The following REEP4 variants were observed in gnomAD, a reference collection of about 807,000 sequenced individuals.
The protein encoded by REEP4 is receptor accessory protein 4.
In REEP4, 17 loss-of-function variants were observed where a neutral mutation model predicts 33.5. The observed-to-expected ratio is 0.51, with a 90% CI of 0.35 to 0.76. The LOEUF (loss-of-function observed/expected upper bound fraction) is 0.76. REEP4 is among the 30% of genes least tolerant of loss of function. The pLI, the probability that REEP4 is intolerant of heterozygous loss-of-function variation, is 0.01. For missense variants in REEP4, 340 were observed against 357.9 expected (o/e 0.95, Z 0.40); for synonymous variants, 157 against 142.9 (o/e 1.10, Z -0.70).
At position 22,138,493 on chromosome 8, in the gene REEP4, G is replaced by A. The variant is rs1399072121; in HGVS notation, c.768C>T (p.Asp256=). 2 of 1,613,634 alleles carry A rather than the reference G, an allele frequency of 1.2e-6. No individual in the cohort carries two copies. Among genetic ancestry groups the A allele is most frequent in the Admixed American group, 3.3e-5 (2 of 60,030 alleles). Residue 256 remains aspartate (D), a synonymous_variant, in exon 8 of 8, where the codon GAC becomes GAT. Transcript: ENST00000306306. ...TRKKTVPSDV[D]S is the part of the protein sequence containing the mutation. ...GGGGCAGATGCAGCAGACCCTAGCT[G>A]TCCACGTCTGAGGGCACAGTCTTTT... is the stretch of plus-strand genomic sequence containing the variant.
rs182851174 is a variant in REEP4 at position 22,139,661 on chromosome 8, C to T, written c.304-132G>A. 601 of 772,000 alleles carry T rather than the reference C, an allele frequency of 7.8e-4. 3 individuals carry two copies. The highest frequency in any genetic ancestry group is 5.5e-3 in the Middle Eastern group (20 of 3,620). The allele number at this position is 772,000 out of a possible 1,614,324, so 47.8% of individuals were successfully genotyped here. ...CCACCTGGTGCCCAGAGCCACAAAT[C>T]CGGGCCACAAACACAGACCAAGAGC... is the stretch of plus-strand genomic sequence containing the variant. On this transcript the variant is annotated intron_variant, in intron 4 of 7. Transcript: ENST00000306306.
chr8:22,141,231 C>T (rs1022299962), intron 1 of REEP4, among the ~76,000 whole-genome samples: 2 of 152,234 alleles, frequency 1.3e-5, no homozygotes, highest in African/African-American at 2.4e-5. Context: ...GTGTGTGTGG[C>T]GTGCGGCAGG....
At chr8:22,139,878 G>A (rs1431136371) in intron 4 of REEP4, 85 bp downstream of exon 4, 2 of 1,501,394 alleles carry the variant, frequency 1.3e-6, no homozygotes, top group Non-Finnish European at 1.8e-6. Context: ...GAACCCCGGT[G>A]TCCCCAGCAT....
Position 22,141,591 on chromosome 8 carries a change from C to T in REEP4, c.-109G>A. 1 of 1,174,364 alleles carries T rather than the reference C, an allele frequency of 8.5e-7. No individual in the cohort carries two copies. The highest frequency in any genetic ancestry group is 1.2e-6 in the Non-Finnish European group (1 of 842,920). 72.7% of individuals were successfully genotyped at this position (1,174,364 alleles called of 1,614,324 possible). ...AGGGCAGTTGCGGGAAGCAGAGGGGCGATCCGGCTGTCCCTCGGCGGAGGC... is the reference window on the plus strand; with the variant it reads ...AGGGCAGTTGCGGGAAGCAGAGGGGTGATCCGGCTGTCCCTCGGCGGAGGC... On this transcript the variant is annotated 5_prime_UTR_variant, in exon 1 of 8. Transcript: ENST00000306306.
intron 1 of REEP4, 79 bp downstream of exon 1, chr8:22,141,372 C>A: frequency 6.6e-7 from 1 of 1,524,240 alleles, no homozygotes; most frequent in Non-Finnish European, 9.0e-7. Flanking sequence ...TTCCTCCTCC[C>A]ACTAGACGTC....
chr8:22,141,661 T>A lies in REEP4; in HGVS notation c.-179A>T. ...CTCCGACTGTGCAGTTCAGGGGACC[T>A]GGAGAATGGGGAGACCCGAGGCAAA... On this transcript the variant is annotated 5_prime_UTR_variant, in exon 1 of 8. Transcript: ENST00000306306. 1 of 530,438 alleles carries A rather than the reference T, an allele frequency of 1.9e-6. No individual in the cohort carries two copies. Among genetic ancestry groups the A allele is most frequent in the Non-Finnish European group, 3.2e-6 (1 of 317,130 alleles). The allele number at this position is 530,438 out of a possible 1,614,324, so 32.9% of individuals were successfully genotyped here. A position where few individuals can be genotyped will look rare whatever the true frequency, so the allele number is the denominator to read the frequency against.
In REEP4 at chr8:22,141,734, G is replaced by A. The variant is rs776355452; in HGVS notation, c.-252C>T. On this transcript the variant is annotated 5_prime_UTR_variant, in exon 1 of 8. Transcript: ENST00000306306. Reference sequence around the variant, plus strand: ...CGACTTGGGAGCGGGCGCGCCCCGCGGCCGGGGCAGTTACAGCTCCCACCC... The same window carrying A: ...CGACTTGGGAGCGGGCGCGCCCCGCAGCCGGGGCAGTTACAGCTCCCACCC... 2 of 419,778 alleles carry A rather than the reference G, an allele frequency of 4.8e-6. No homozygotes were observed. Among genetic ancestry groups the A allele is most frequent in the Non-Finnish European group, 8.4e-6 (2 of 237,572 alleles). The allele number at this position is 419,778 out of a possible 1,614,324, so 26.0% of individuals were successfully genotyped here. A position where few individuals can be genotyped will look rare whatever the true frequency, so the allele number is the denominator to read the frequency against.
intron 3 of REEP4, 41 bp downstream of exon 3, chr8:22,140,131 G>A (rs1291343852): frequency 1.9e-6 from 3 of 1,614,122 alleles, no homozygotes; most frequent in Admixed American, 3.3e-5. Flanking sequence ...GGGCTGGGGG[G>A]GCCACCCCTG....
In REEP4 at chr8:22,140,177, G is replaced by T; in HGVS notation, c.177C>A (p.Ile59=). The part of the protein sequence containing the change: ...MAAEIVTDIF[I]SWFPFYYEIK... Reference sequence around the variant, plus strand: ...TGCGGACCCTGCGTCCATACCAGGAGATAAAAATGTCTGTAACGATCTCTG... The same window carrying T: ...TGCGGACCCTGCGTCCATACCAGGATATAAAAATGTCTGTAACGATCTCTG... The change falls in exon 3 of 8, where the codon ATC becomes ATA. Residue 59 remains isoleucine (I), a synonymous_variant. Transcript: ENST00000306306. The T allele has an allele frequency of 6.2e-7, 1 of 1,614,106 alleles. No individual in the cohort carries two copies. Among genetic ancestry groups the T allele is most frequent in the Non-Finnish European group, 8.5e-7 (1 of 1,180,026 alleles).
At position 22,139,523 on chromosome 8, in the gene REEP4, C is replaced by T. The variant is rs1472721304; in HGVS notation, c.310G>A (p.Asp104Asn). Residue 104 changes from aspartate to asparagine, a missense_variant, in exon 5 of 8, where the codon GAC (aspartate) becomes AAC (asparagine). Asp to Asn is a conservative substitution (Grantham distance 23, BLOSUM62 1). Transcript: ENST00000306306. The stretch of plus-strand genomic sequence containing the variant: ...TCCTTGGCCTGCACGATGTACGCGT[C>T]GATCTCCTGTGGACCCAATGGGGAG... ...PSLSRHEKEI[D>N]AYIVQAKERS... is the part of the protein sequence containing the mutation. 1.2e-6 allele frequency: 2 copies of T among 1,608,164 alleles called. No individual in the cohort carries two copies. The highest frequency in any genetic ancestry group is 1.7e-6 in the Non-Finnish European group (2 of 1,179,000).
chr8:22,140,019 C>A lies in REEP4; in HGVS notation c.247G>T (p.Gly83Cys). ...AACTTGCGGTAAAGCAGGCTGGCGC[C>A]CTTGGTGTAGGGTGAGAGCAGCCAC... ...VLWLLSPYTK[G>C]ASLLYRKFVH... The change falls in exon 4 of 8, where the codon GGC (glycine) becomes TGC (cysteine). Residue 83 changes from glycine (G) to cysteine (C), a missense_variant. By Grantham distance (159) the Gly-to-Cys change is radical. Transcript: ENST00000306306. 1 of 1,605,842 alleles carries A rather than the reference C, an allele frequency of 6.2e-7. No homozygotes were observed. Among genetic ancestry groups the A allele is most frequent in the Non-Finnish European group, 8.5e-7 (1 of 1,176,062 alleles).
chr8:22,138,575 A>T (rs1563198505), intron 7 of REEP4, 23 bp from the exon 8 acceptor site: 2 of 1,613,944 alleles, frequency 1.2e-6, no homozygotes, highest in South Asian at 1.1e-5. Flanking sequence ...GAGGCACAGC[A>T]TGAGGGTGTG....
In REEP4 at chr8:22,138,686, G is replaced by A. The variant is rs117450750; in HGVS notation, c.661C>T (p.Arg221Cys). Reference sequence around the variant, plus strand: ...TTGACCACACGCAGGCTCTGGCTGCGGATTAGGGGCTTCTCTCGGGGCCGG... The same window carrying A: ...TTGACCACACGCAGGCTCTGGCTGCAGATTAGGGGCTTCTCTCGGGGCCGG... ...PARPREKPLI[R>C]SQSLRVVKRK... Residue 221 changes from arginine to cysteine, a missense_variant, in exon 7 of 8, where the codon CGC becomes TGC. Physicochemically the swap from Arg to Cys is radical, Grantham distance 180. Coordinates refer to ENST00000306306, the MANE Select transcript of REEP4 (RefSeq NM_025232.4). 5.5e-3 allele frequency: 8,843 copies of A among 1,613,678 alleles called. 47 individuals carry two copies. The highest frequency in any genetic ancestry group is 0.012 in the South Asian group (1,069 of 91,084).
In REEP4 at chr8:22,138,962, G is replaced by T. The variant is rs1213378769; in HGVS notation, c.517C>A (p.Leu173Met). The part of the protein sequence containing the change: ...PAPAYHDPLY[L>M]EDQVSHRRPP... Reference sequence around the variant, plus strand: ...CTCCGGTGGGACACCTGGTCCTCCAGGTAGAGGGGGTCATGGTAGGCAGGG... The same window carrying T: ...CTCCGGTGGGACACCTGGTCCTCCATGTAGAGGGGGTCATGGTAGGCAGGG... The change falls in exon 6 of 8, where the codon CTG (leucine) becomes ATG (methionine). Residue 173 changes from leucine to methionine, a missense_variant. Coordinates refer to ENST00000306306, the MANE Select transcript of REEP4 (RefSeq NM_025232.4). The T allele has an allele frequency of 8.1e-6, 13 of 1,607,776 alleles. No homozygotes were observed. The highest frequency in any genetic ancestry group is 9.3e-6 in the Non-Finnish European group (11 of 1,177,328).
Position 22,141,522 on chromosome 8 carries a change from C to T in REEP4, c.-40G>A. 1 of 1,581,800 alleles carries T rather than the reference C, an allele frequency of 6.3e-7. No individual in the cohort carries two copies. The highest frequency in any genetic ancestry group is 8.6e-7 in the Non-Finnish European group (1 of 1,165,374). On this transcript the variant is annotated 5_prime_UTR_variant, in exon 1 of 8. Transcript: ENST00000306306. ...GGACGTGGGGAGGACCCCAGGAAGC[C>T]GCTCAGAAGGACGTTCACTCAAGGG...
rs759709065 is a variant in REEP4 at position 22,138,809 on chromosome 8, G to C, written c.554-16C>G. 12 of 1,582,224 alleles carry C rather than the reference G, an allele frequency of 7.6e-6. No individual in the cohort carries two copies. The East Asian group carries it at 1.1e-4, about 15-fold the overall frequency. On this transcript the variant is annotated splice_polypyrimidine_tract_variant and intron_variant, in intron 6 of 7. Transcript: ENST00000306306. ...GCCCGGTACCCTGTGTGGAGGAGGA[G>C]GTGAAGCTGAAAGCCTGCGACCAGG...
rs532207754 is a variant in REEP4 at position 22,141,852 on chromosome 8, G to T, written c.-370C>A. 3.0e-3 allele frequency: 808 copies of T among 269,664 alleles called. 3 individuals carry two copies. The highest frequency in any genetic ancestry group is 3.8e-3 in the Non-Finnish European group (538 of 143,020). The allele number at this position is 269,664 out of a possible 1,614,324, so 16.7% of individuals were successfully genotyped here. On this transcript the variant is annotated 5_prime_UTR_variant, in exon 1 of 8. In the 5' UTR this introduces an upstream ATG that the reference lacks. Coordinates refer to ENST00000306306, the MANE Select transcript of REEP4 (RefSeq NM_025232.4). The stretch of plus-strand genomic sequence containing the variant: ...GCGGTTCCAGCGCGCCGGGCCACCA[G>T]CACCGGCCTACAGGGCGGAGTTCGC...
At position 22,138,774 on chromosome 8, in the gene REEP4, CA is replaced by C; in HGVS notation, c.572del (p.Leu191ArgfsTer29). ...ACTCATCCTCGGTGTCGCTGTCCTGCAGGCCCCCGGCCCGGTACCCTGTGTG... is the reference window on the plus strand; with the variant it reads ...ACTCATCCTCGGTGTCGCTGTCCTGCGGCCCCCGGCCCGGTACCCTGTGTG... The part of the protein sequence containing the change: ...RPPIGYRAGG[L>X]QDSDTEDECW... On this transcript the variant is annotated frameshift_variant, in exon 7 of 8. Coordinates refer to ENST00000306306, the MANE Select transcript of REEP4 (RefSeq NM_025232.4). LOFTEE classifies it high-confidence loss of function. 6.2e-7 allele frequency: 1 copy of C among 1,607,158 alleles called. No homozygotes were observed. Among genetic ancestry groups the C allele is most frequent in the Non-Finnish European group, 8.5e-7 (1 of 1,177,808 alleles).
chr8:22,139,669 C>T, intron 4 of REEP4, 140 bp from the exon 5 acceptor site: 2 of 745,006 alleles, frequency 2.7e-6, no homozygotes, highest in Non-Finnish European at 4.3e-6. Context: ...ATCCGGGCCA[C>T]AAACACAGAC....
Sources: gnomAD v4.1 joint callset for allele counts (sites outside exome capture counted in the v4.1 genomes callset) on GRCh38, gnomAD v4.1.1 for gene constraint, MANE v1.5 for transcripts, NCBI Gene and HGNC (gene_info 2026-07-23, HGNC 2026-07-21) for gene names.